LHFPL3: variants seen among roughly 807,000 people sequenced by gnomAD.
The protein encoded by LHFPL3 is LHFPL tetraspan subfamily member 3 protein.
In LHFPL3, 5 loss-of-function variants were observed where a neutral mutation model predicts 19.3. The observed-to-expected ratio is 0.26, with a 90% CI of 0.14 to 0.54. The LOEUF (loss-of-function observed/expected upper bound fraction) is 0.54, where lower values mean the gene tolerates loss of function less well. Among genes scored for constraint, LHFPL3 ranks in the 20% least tolerant of loss-of-function variants. The pLI is 0.94. For missense variants in LHFPL3, 249 were observed against 307.4 expected (o/e 0.81, Z 1.42); for synonymous variants, 133 against 126.2 (o/e 1.05, Z -0.36).
chr7:104,777,335 TC>T (rs1794651699), intron 2 of LHFPL3, among the ~76,000 whole-genome samples: 1 of 152,184 alleles, frequency 6.6e-6, no homozygotes, highest in Non-Finnish European at 1.5e-5. Context: ...TTGTTTTACT[TC>T]CCAGGGCTCC....
chr7:104,621,884 A>C (rs1415584484), intron 1 of LHFPL3, among the ~76,000 whole-genome samples: 2 of 152,142 alleles, frequency 1.3e-5, no homozygotes, highest in Non-Finnish European at 1.5e-5. Flanking sequence ...TAGGCCTCTC[A>C]TGCCCCATCT....
chr7:104,720,776 C>G (rs1041261342), intron 1 of LHFPL3, among the ~76,000 whole-genome samples: 18 of 152,256 alleles, frequency 1.2e-4, no homozygotes, highest in African/African-American at 3.9e-4. Context: ...AGCCAACAGA[C>G]ACATGAAAAA....
chr7:104,353,788 T>C (rs1452692924), intron 1 of LHFPL3, among the ~76,000 whole-genome samples: 1 of 152,108 alleles, frequency 6.6e-6, no homozygotes, highest in African/African-American at 2.4e-5. Context: ...ACAGTGCCTT[T>C]GATTTTCTTA....
At chr7:104,508,427 G>A in intron 1 of LHFPL3, among the ~76,000 whole-genome samples, 3 of 140,586 alleles carry the variant, frequency 2.1e-5, no homozygotes, top group African/African-American at 8.1e-5. Flanking sequence ...CATGGACACA[G>A]GAAGGGGAAT....
At chr7:104,849,945 G>C (rs182392553) in intron 2 of LHFPL3, among the ~76,000 whole-genome samples, 4 of 152,354 alleles carry the variant, frequency 2.6e-5, no homozygotes, top group East Asian at 1.9e-4. Flanking sequence ...GGAAAAAAAG[G>C]GTTCTGGTTT....
At chr7:104,865,423 C>T (rs1170629328) in intron 2 of LHFPL3, among the ~76,000 whole-genome samples, 8 of 152,026 alleles carry the variant, frequency 5.3e-5, no homozygotes, top group South Asian at 2.1e-4. Flanking sequence ...AACTACATGA[C>T]GAATGCACAA....
intron 1 of LHFPL3, among the ~76,000 whole-genome samples, chr7:104,659,882 C>T (rs543204437): frequency 8.5e-5 from 13 of 152,238 alleles, no homozygotes; most frequent in Admixed American, 5.9e-4. Flanking sequence ...TAGAAGTAGC[C>T]CCCTGGTGTG....
chr7:104,356,698 C>T (rs994378731), intron 1 of LHFPL3, among the ~76,000 whole-genome samples: 2 of 152,180 alleles, frequency 1.3e-5, no homozygotes, highest in African/African-American at 2.4e-5. Context: ...TACCAAAATA[C>T]ACTGTGCTAG....
At chr7:104,387,895 A>G (rs987500766) in intron 1 of LHFPL3, among the ~76,000 whole-genome samples, 1 of 152,162 alleles carries the variant, frequency 6.6e-6, no homozygotes, top group African/African-American at 2.4e-5. Flanking sequence ...CACCCAGCTA[A>G]TAAGCATAGT....
At chr7:104,722,976 T>C (rs565372897) in intron 1 of LHFPL3, among the ~76,000 whole-genome samples, 3 of 152,208 alleles carry the variant, frequency 2.0e-5, no homozygotes, top group African/African-American at 7.2e-5. Context: ...CCAAATGGGA[T>C]AGTCAGACCA....
At chr7:104,822,077 G>C (rs879167879) in intron 2 of LHFPL3, among the ~76,000 whole-genome samples, 3 of 152,194 alleles carry the variant, frequency 2.0e-5, no homozygotes, top group Admixed American at 2.0e-4. Context: ...GCCTTGCAAT[G>C]ATTTACATCC....
intron 1 of LHFPL3, among the ~76,000 whole-genome samples, chr7:104,662,355 C>A (rs1792239337): frequency 6.6e-6 from 1 of 152,168 alleles, no homozygotes; most frequent in Non-Finnish European, 1.5e-5. Context: ...TTTCACTCTT[C>A]CAGACATTTT....
intron 1 of LHFPL3, among the ~76,000 whole-genome samples, chr7:104,490,975 G>A (rs377036996): frequency 6.6e-6 from 1 of 152,058 alleles, no homozygotes; most frequent in Non-Finnish European, 1.5e-5. Context: ...GAGCCCTCCA[G>A]GACCCTAGGC....
intron 1 of LHFPL3, among the ~76,000 whole-genome samples, chr7:104,509,468 T>G (rs1793768202): frequency 6.6e-6 from 1 of 151,786 alleles, no homozygotes; most frequent in South Asian, 2.1e-4. Context: ...ATTCACAGGC[T>G]AAAGAAGAAA....
intron 1 of LHFPL3, among the ~76,000 whole-genome samples, chr7:104,353,022 C>G (rs1293260783): frequency 6.6e-6 from 1 of 152,204 alleles, no homozygotes; most frequent in Non-Finnish European, 1.5e-5. Context: ...GCGATTATCC[C>G]TCTGCAGTTC....
intron 1 of LHFPL3, among the ~76,000 whole-genome samples, chr7:104,511,776 G>C (rs1232135943): frequency 6.6e-6 from 1 of 152,008 alleles, no homozygotes; most frequent in Non-Finnish European, 1.5e-5. Context: ...TCTTATTCAT[G>C]TAACCAGACA....
chr7:104,605,168 A>G (rs1290861747), intron 1 of LHFPL3, among the ~76,000 whole-genome samples: 5 of 152,224 alleles, frequency 3.3e-5, no homozygotes, highest in Non-Finnish European at 5.9e-5. Context: ...AATATTTTAC[A>G]CTATCAAATA....
At chr7:104,590,214 A>G (rs1056712862) in intron 1 of LHFPL3, among the ~76,000 whole-genome samples, 1 of 151,966 alleles carries the variant, frequency 6.6e-6, no homozygotes, top group East Asian at 1.9e-4. Context: ...TAGGGTGTCA[A>G]TTTTAGATCT....
intron 1 of LHFPL3, among the ~76,000 whole-genome samples, chr7:104,359,493 T>TA (rs1015888813): frequency 3.3e-5 from 5 of 152,342 alleles, no homozygotes; most frequent in Middle Eastern, 3.4e-3. Context: ...AATAAATATG[T>TA]AAAAAAACTA....
Sources: gnomAD v4.1 joint callset for allele counts (sites outside exome capture counted in the v4.1 genomes callset) on GRCh38, gnomAD v4.1.1 for gene constraint, MANE v1.5 for transcripts, NCBI Gene and HGNC (gene_info 2026-07-23, HGNC 2026-07-21) for gene names.